The following FCGR1A variants were observed in gnomAD, a reference collection of about 807,000 sequenced individuals.
FCGR1A encodes high affinity immunoglobulin gamma Fc receptor I.
FCGR1A carries 13 observed loss-of-function variants against 35.0 expected under a neutral mutation model. The observed-to-expected ratio is 0.37, with a 90% CI of 0.24 to 0.59. The LOEUF is 0.59. Ranked by LOEUF, FCGR1A falls within the 20% of genes least tolerant of loss-of-function variation. The probability of loss-of-function intolerance (pLI) is 0.71; values close to 1 mark genes in which losing one functional copy is unlikely to be tolerated. For missense variants in FCGR1A, 227 were observed against 430.0 expected, an observed-to-expected ratio of 0.53 and a Z score of 4.17; for synonymous variants, 91 against 164.7, an observed-to-expected ratio of 0.55 and a Z score of 3.43.
At chr1:149,796,668 G>A (rs1394132850), downstream of FCGR1A, among the ~76,000 whole-genome samples, 1 of 152,142 alleles carries the variant, frequency 6.6e-6, no homozygotes, top group Non-Finnish European at 1.5e-5. Flanking sequence ...TCCTTGAATT[G>A]CAATTTCTTA....
At position 149,785,415 on chromosome 1, in the gene FCGR1A, T is replaced by G. The variant is rs1345384970; in HGVS notation, c.307+1158T>G. 1.2e-4 allele frequency among the ~76,000 whole-genome samples: 16 copies of G among 132,226 alleles called. 1 individual carries two copies. The highest frequency in any genetic ancestry group is 4.2e-4 in the African/African-American group (15 of 35,932). The allele number at this position is 132,226 out of a possible 152,430, so 86.7% of individuals were successfully genotyped here. A position where few individuals can be genotyped will look rare whatever the true frequency, so the allele number is the denominator to read the frequency against. On this transcript the variant is annotated intron_variant, in intron 3 of 5. Transcript: ENST00000369168. The stretch of plus-strand genomic sequence containing the variant: ...AGCTGACAGAGCTGTTTCGTTTTTT[T>G]TTTTTTTTTTTTTTTTTTTGAGACA...
chr1:149,790,121 C>T lies in FCGR1A; in HGVS notation c.627C>T (p.Thr209=), dbSNP rs1553751535. The T allele has an allele frequency of 6.2e-7, 1 of 1,613,776 alleles. No homozygotes were observed. Among genetic ancestry groups the T allele is most frequent in the African/African-American group, 1.3e-5 (1 of 74,828 alleles). Residue 209 remains threonine, a synonymous_variant, in exon 5 of 6, where the codon ACC becomes ACT. Transcript: ENST00000369168. ...TSPLLEGNLV[T]LSCETKLLLQ... is the part of the protein sequence containing the mutation. ...CACTCCTGGAGGGGAATCTGGTCAC[C>T]CTGAGCTGTGAAACAAAGTTGCTCT...
downstream of FCGR1A, chr1:149,793,097 C>G (rs1456820270): frequency 1.4e-5 from 18 of 1,274,190 alleles, no homozygotes; most frequent in African/African-American, 1.6e-5. Flanking sequence ...TGCCGCCAAG[C>G]CCCGGGGATG....
chr1:149,790,923 G>A (rs587595831), intron 5 of FCGR1A, among the ~76,000 whole-genome samples: 395 of 151,942 alleles, frequency 2.6e-3, no homozygotes, highest in Non-Finnish European at 4.0e-3. Flanking sequence ...TCCTTGGGGG[G>A]GAAAAAAGTT....
chr1:149,784,725 CA>C (rs1553750641), intron 3 of FCGR1A, among the ~76,000 whole-genome samples: 4 of 147,944 alleles, frequency 2.7e-5, no homozygotes. Flanking sequence ...TATATACACA[CA>C]TATATATAGT....
chr1:149,788,393 G>C lies in FCGR1A; in HGVS notation c.335G>C (p.Arg112Thr), dbSNP rs375716672. ...RGWLLLQVSSRVFTEGEPLAL... is the reference protein window; with the variant it reads ...RGWLLLQVSSTVFTEGEPLAL... ...TGGCTACTACTGCAGGTCTCCAGCA[G>C]AGTCTTCACGGAAGGAGAACCTCTG... Residue 112 changes from arginine to threonine, a missense_variant, in exon 4 of 6, where the codon AGA (arginine) becomes ACA (threonine). Arg to Thr is a moderately conservative substitution (Grantham distance 71). Coordinates refer to ENST00000369168, the MANE Select transcript of FCGR1A (RefSeq NM_000566.4). 6.8e-6 allele frequency: 11 copies of C among 1,613,264 alleles called. No homozygotes were observed. The African/African-American group carries it at 1.2e-4, about 18-fold the overall frequency.
At chr1:149,789,931 G>A in intron 4 of FCGR1A, 123 bp from the exon 5 acceptor site, 2 of 1,588,792 alleles carry the variant, frequency 1.3e-6, no homozygotes, top group Non-Finnish European at 8.6e-7. Flanking sequence ...AGTAAAAAGG[G>A]TTAATGCCTT....
At position 149,790,124 on chromosome 1, in the gene FCGR1A, G is replaced by A. The variant is rs782028457; in HGVS notation, c.630G>A (p.Leu210=). The A allele has an allele frequency of 6.8e-6, 11 of 1,613,802 alleles. No individual in the cohort carries two copies. In the East Asian group the frequency reaches 2.4e-4, roughly 36 times the overall value. The stretch of plus-strand genomic sequence containing the variant: ...TCCTGGAGGGGAATCTGGTCACCCT[G>A]AGCTGTGAAACAAAGTTGCTCTTGC... ...SPLLEGNLVT[L]SCETKLLLQR... is the part of the protein sequence containing the mutation. The change falls in exon 5 of 6, where the codon CTG becomes CTA. Residue 210 remains leucine (L), a synonymous_variant. Transcript: ENST00000369168.
At chr1:149,786,696 A>G (rs1236157762) in intron 3 of FCGR1A, 5 of 152,216 alleles carry the variant, frequency 3.3e-5, no homozygotes, top group African/African-American at 7.2e-5. Context: ...TAAAAGCTGC[A>G]TCTCGTGAGT....
chr1:149,789,935 A>G (rs1472934374), intron 4 of FCGR1A, 119 bp from the exon 5 acceptor site: 8 of 1,594,580 alleles, frequency 5.0e-6, no homozygotes, highest in Non-Finnish European at 5.1e-6. Flanking sequence ...AAAAGGGTTA[A>G]TGCCTTATGG....
chr1:149,786,899 CT>C (rs1364159439), intron 3 of FCGR1A: 2 of 152,050 alleles, frequency 1.3e-5, no homozygotes, highest in Non-Finnish European at 2.9e-5. Context: ...TTGAAAATTG[CT>C]TTGTGGCCTA....
At chr1:149,792,955 G>C (rs782135374), downstream of FCGR1A, 5 of 1,275,390 alleles carry the variant, frequency 3.9e-6, no homozygotes, top group South Asian at 5.0e-5. Context: ...CGGCAGAATG[G>C]AAGTTCGGTA....
rs200095213 is a variant in FCGR1A at position 149,784,222 on chromosome 1, G to A, written c.272G>A (p.Gly91Glu). ...TACAGGTGCCAGAGAGGTCTCTCAG[G>A]GCGAAGTGACCCCATACAGCTGGAA... Reference protein sequence around the residue: ...GEYRCQRGLSGRSDPIQLEIH... With the variant: ...GEYRCQRGLSERSDPIQLEIH... Residue 91 changes from glycine to glutamate, a missense_variant, in exon 3 of 6, where the codon GGG (glycine) becomes GAG (glutamate). Gly to Glu is a moderately conservative substitution (Grantham distance 98, BLOSUM62 -2). This residue lies in a region of FCGR1A where 185 missense variants were observed against 306.6 expected (regional missense o/e 0.60). Coordinates refer to ENST00000369168, the MANE Select transcript of FCGR1A (RefSeq NM_000566.4). The A allele has an allele frequency of 1.1e-5, 17 of 1,610,948 alleles. No homozygotes were observed. The highest frequency in any genetic ancestry group is 1.4e-5 in the Non-Finnish European group (17 of 1,179,820).
At chr1:149,793,099 C>T, downstream of FCGR1A, 6 of 1,274,040 alleles carry the variant, frequency 4.7e-6, no homozygotes, top group Non-Finnish European at 6.1e-6. Flanking sequence ...CCGCCAAGCC[C>T]CGGGGATGCT....
intron 3 of FCGR1A, chr1:149,786,453 C>T (rs1425564008): frequency 1.3e-5 from 2 of 152,202 alleles, no homozygotes; most frequent in African/African-American, 2.4e-5. Context: ...CAGTACAATA[C>T]ACCAACATTT....
the FCGR1A span, among the ~76,000 whole-genome samples, chr1:149,798,890 T>A: frequency 1.6e-4 from 24 of 151,868 alleles, no homozygotes; most frequent in African/African-American, 5.8e-4. Context: ...CAGGATTACA[T>A]GTGTGACCCA....
At chr1:149,796,728 CT>C in the FCGR1A span, among the ~76,000 whole-genome samples, 1 of 152,166 alleles carries the variant, frequency 6.6e-6, no homozygotes, top group Non-Finnish European at 1.5e-5. Context: ...TATCATGGCA[CT>C]TAATAGTCAA....
At chr1:149,788,729 G>A (rs2091618457) in intron 4 of FCGR1A, 112 bp downstream of exon 4, 2 of 1,320,580 alleles carry the variant, frequency 1.5e-6, no homozygotes, top group Non-Finnish European at 2.1e-6. Context: ...GCTCCAGAGA[G>A]GTAAACTGCA....
the FCGR1A span, among the ~76,000 whole-genome samples, chr1:149,800,409 G>A: frequency 6.7e-6 from 1 of 149,992 alleles, no homozygotes; most frequent in African/African-American, 2.5e-5. Context: ...GGAAGTTGGA[G>A]GTGGGCTGAA....
Sources: allele counts gnomAD v4.1 joint callset (sites outside exome capture counted in the v4.1 genomes callset), GRCh38; gene constraint gnomAD v4.1.1; regional missense constraint gnomAD v4.1.1; transcripts MANE v1.5; gene names NCBI Gene and HGNC (gene_info 2026-07-23, HGNC 2026-07-21).